Variants in MACROD2 observed in about 807,000 individuals in gnomAD.
MACROD2 encodes the protein ADP-ribose glycohydrolase MACROD2.
Under a neutral mutation model 70.4 loss-of-function variants are expected in MACROD2, and 36 were observed. That is an observed-to-expected ratio of 0.51 (90% CI 0.39 to 0.68). The LOEUF is 0.68. MACROD2 is among the 30% of genes least tolerant of loss of function. The probability of loss-of-function intolerance (pLI) is 0.00; values close to 1 mark genes in which losing one functional copy is unlikely to be tolerated. For missense variants in MACROD2, 496 were observed against 538.4 expected (o/e 0.92, Z 0.78); for synonymous variants, 172 against 178.8 (o/e 0.96, Z 0.30).
intron 3 of MACROD2, among the ~76,000 whole-genome samples, chr20:14,400,907 C>A (rs561343008): frequency 6.6e-6 from 1 of 152,168 alleles, no homozygotes; most frequent in East Asian, 1.9e-4. Context: ...TCCATTAGTA[C>A]TTATGATGTT....
intron 6 of MACROD2, among the ~76,000 whole-genome samples, chr20:15,239,116 T>C (rs2077038660): frequency 6.6e-6 from 1 of 151,988 alleles, no homozygotes; most frequent in East Asian, 1.9e-4. Context: ...GGCATATATC[T>C]AGAGGGTTAA....
intron 3 of MACROD2, among the ~76,000 whole-genome samples, chr20:14,234,495 C>T (rs2081851090): frequency 6.6e-6 from 1 of 152,104 alleles, no homozygotes; most frequent in Admixed American, 6.5e-5. Context: ...TACTTTGAAA[C>T]AAAATTAGAA....
intron 8 of MACROD2, among the ~76,000 whole-genome samples, chr20:15,669,850 G>A (rs2049954966): frequency 6.6e-6 from 1 of 152,214 alleles, no homozygotes; most frequent in African/African-American, 2.4e-5. Flanking sequence ...GCTGGGGGAA[G>A]ACTGGAGTGC....
At chr20:14,274,384 A>C (rs1486122698) in intron 3 of MACROD2, among the ~76,000 whole-genome samples, 1 of 152,194 alleles carries the variant, frequency 6.6e-6, no homozygotes, top group Non-Finnish European at 1.5e-5. Flanking sequence ...AACAGAACGA[A>C]AGACAAAAAC....
intron 3 of MACROD2, among the ~76,000 whole-genome samples, chr20:14,202,497 A>G (rs1289602352): frequency 1.3e-5 from 2 of 152,224 alleles, no homozygotes; most frequent in Non-Finnish European, 2.9e-5. Context: ...TTGACACATC[A>G]AAGACAACAT....
chr20:14,455,044 G>A lies in MACROD2; in HGVS notation c.272-38435G>A, dbSNP rs146383209. 1.4e-4 allele frequency among the ~76,000 whole-genome samples: 22 copies of A among 151,870 alleles called. 1 individual carries two copies. The highest frequency in any genetic ancestry group is 4.9e-4 in the African/African-American group (20 of 41,152). On this transcript the variant is annotated intron_variant, in intron 3 of 17. Coordinates refer to ENST00000684519, the MANE Select transcript of MACROD2 (RefSeq NM_001351661.2). ...CTCTACACTCTTTCTGTTGCACTGT[G>A]CTGTCGCATATCTTGCTGTGCATTT...
At chr20:15,372,599 T>C (rs895183196) in intron 6 of MACROD2, among the ~76,000 whole-genome samples, 1 of 152,222 alleles carries the variant, frequency 6.6e-6, no homozygotes, top group African/African-American at 2.4e-5. Flanking sequence ...ACATATTTGG[T>C]ATAATAATTA....
rs187924528 is a variant in MACROD2, at chr20:14,074,674, T to C, written c.164-10947T>C. 2.0e-5 allele frequency among the ~76,000 whole-genome samples: 3 copies of C among 152,296 alleles called. No homozygotes were observed. The East Asian group carries it at 5.8e-4, about 29-fold the overall frequency. ...CTCCTGGCACTCTGTGAGGTCTCCC[T>C]GTTCTGTTTGAACATGCTTCTCCCA... On this transcript the variant is annotated intron_variant, in intron 2 of 17. Coordinates refer to ENST00000684519, the MANE Select transcript of MACROD2 (RefSeq NM_001351661.2).
At chr20:15,461,999 A>G (rs1228763605) in intron 7 of MACROD2, among the ~76,000 whole-genome samples, 1 of 152,190 alleles carries the variant, frequency 6.6e-6, no homozygotes, top group Admixed American at 6.5e-5. Context: ...TTTATTAAAC[A>G]TACTCACAAC....
intron 4 of MACROD2, among the ~76,000 whole-genome samples, chr20:14,537,075 C>A (rs1181549404): frequency 6.6e-6 from 1 of 152,180 alleles, no homozygotes; most frequent in African/African-American, 2.4e-5. Context: ...CCCCTTCCTT[C>A]TGTTTTCTGT....
chr20:14,025,922 C>G (rs145706692), intron 2 of MACROD2, among the ~76,000 whole-genome samples: 2,914 of 152,262 alleles, frequency 0.019, 38 homozygotes, highest in Non-Finnish European at 0.032. Context: ...TGTTGTTGAT[C>G]TGTCTAATAT....
intron 6 of MACROD2, among the ~76,000 whole-genome samples, chr20:15,327,864 A>T (rs896423500): frequency 6.6e-6 from 1 of 152,090 alleles, no homozygotes; most frequent in Non-Finnish European, 1.5e-5. Flanking sequence ...GTTCATTAAA[A>T]TAGATTTTTG....
chr20:14,514,601 G>T (rs530727224), intron 4 of MACROD2, among the ~76,000 whole-genome samples: 1 of 152,042 alleles, frequency 6.6e-6, no homozygotes, highest in African/African-American at 2.4e-5. Context: ...TTTTTTTATC[G>T]CAGGTAATGT....
chr20:15,527,375 A>T (rs1356134174), intron 8 of MACROD2, among the ~76,000 whole-genome samples: 1 of 152,212 alleles, frequency 6.6e-6, no homozygotes, highest in East Asian at 1.9e-4. Context: ...AAATTATCTG[A>T]AAGGGCATTT....
chr20:15,200,890 C>A (rs147582837), intron 5 of MACROD2, among the ~76,000 whole-genome samples: 86 of 152,258 alleles, frequency 5.6e-4, no homozygotes, highest in South Asian at 1.7e-3. Flanking sequence ...GACCATGGAC[C>A]ACACTTTGAG....
chr20:14,748,380 T>A (rs1258271736), intron 5 of MACROD2, among the ~76,000 whole-genome samples: 1 of 152,098 alleles, frequency 6.6e-6, no homozygotes, highest in Non-Finnish European at 1.5e-5. Flanking sequence ...ACCATCTCCA[T>A]CAAGACAGAG....
intron 7 of MACROD2, among the ~76,000 whole-genome samples, chr20:15,493,681 A>G (rs2047259369): frequency 1.3e-5 from 2 of 152,210 alleles, no homozygotes; most frequent in African/African-American, 4.8e-5. Context: ...AGTAAAAAAT[A>G]AAAAGTAAAT....
intron 3 of MACROD2, among the ~76,000 whole-genome samples, chr20:14,475,631 C>T (rs1289019116): frequency 1.3e-5 from 2 of 151,822 alleles, no homozygotes; most frequent in Non-Finnish European, 2.9e-5. Flanking sequence ...GTCTTTATCT[C>T]TCCTTCATTT....
At chr20:14,671,351 A>T (rs1393403770) in intron 4 of MACROD2, among the ~76,000 whole-genome samples, 1 of 152,132 alleles carries the variant, frequency 6.6e-6, no homozygotes, top group Non-Finnish European at 1.5e-5. Context: ...TTGCTCTCAG[A>T]CCTAATGATG....
Sources: gnomAD v4.1 joint callset for allele counts (sites outside exome capture counted in the v4.1 genomes callset) on GRCh38, gnomAD v4.1.1 for gene constraint, MANE v1.5 for transcripts, NCBI Gene and HGNC (gene_info 2026-07-23, HGNC 2026-07-21) for gene names.